Variants in PDE4D observed in about 807,000 individuals in gnomAD.
PDE4D encodes the protein phosphodiesterase 4D.
In PDE4D, 24 loss-of-function variants were observed where a neutral mutation model predicts 87.4. The ratio of observed to expected loss-of-function variants is 0.27; its 90% CI spans 0.20 to 0.39. The LOEUF is 0.39. Ranked by LOEUF, PDE4D falls within the 10% of genes least tolerant of loss-of-function variation. PDE4D has a pLI of 1.00. For missense variants in PDE4D, 714 were observed against 1,041.0 expected (o/e 0.69, Z 4.32); for synonymous variants, 384 against 383.2 (o/e 1.00, Z -0.02).
chr5:59,974,506 A>G (rs1761102865), intron 3 of PDE4D, among the ~76,000 whole-genome samples: 1 of 152,164 alleles, frequency 6.6e-6, no homozygotes. Flanking sequence ...GAAACACCAG[A>G]AGCTCCTATT....
chr5:59,929,395 C>T (rs1755642517), intron 3 of PDE4D, among the ~76,000 whole-genome samples: 1 of 152,076 alleles, frequency 6.6e-6, no homozygotes, highest in African/African-American at 2.4e-5. Flanking sequence ...AATTTCTCTG[C>T]CTCTCAAAAC....
chr5:59,144,455 G>A (rs1210897959), intron 5 of PDE4D, among the ~76,000 whole-genome samples: 1 of 152,126 alleles, frequency 6.6e-6, no homozygotes, highest in African/African-American at 2.4e-5. Flanking sequence ...AGTAAATAAA[G>A]GGTAAACGTA....
intron 1 of PDE4D, among the ~76,000 whole-genome samples, chr5:59,318,116 A>G (rs112971432): frequency 0.011 from 1,683 of 152,288 alleles, 16 homozygotes; most frequent in Non-Finnish European, 0.016. Flanking sequence ...AACTGTTGGC[A>G]TATACCTTGA....
chr5:60,043,679 A>G (rs1459702583), intron 2 of PDE4D, among the ~76,000 whole-genome samples: 1 of 151,916 alleles, frequency 6.6e-6, no homozygotes, highest in Non-Finnish European at 1.5e-5. Flanking sequence ...TTTAAGGTTA[A>G]GGAATATTAA....
chr5:59,597,263 T>C (rs16890013), intron 1 of PDE4D, among the ~76,000 whole-genome samples: 5,240 of 152,256 alleles, frequency 0.034, 260 homozygotes, highest in African/African-American at 0.11. Context: ...TATTGTAATA[T>C]TGAATAGCTA....
At chr5:60,147,145 C>T (rs1231532273) in intron 2 of PDE4D, among the ~76,000 whole-genome samples, 2 of 152,188 alleles carry the variant, frequency 1.3e-5, no homozygotes, top group Admixed American at 6.5e-5. Context: ...AAAAAGAAAG[C>T]TACACTGGTA....
chr5:59,629,258 G>A (rs1246354217), intron 1 of PDE4D, among the ~76,000 whole-genome samples: 1 of 152,108 alleles, frequency 6.6e-6, no homozygotes, highest in Non-Finnish European at 1.5e-5. Flanking sequence ...TAATGTTGAA[G>A]CCTAACCTCT....
chr5:59,569,922 T>C (rs1476981970), intron 1 of PDE4D, among the ~76,000 whole-genome samples: 1 of 152,238 alleles, frequency 6.6e-6, no homozygotes, highest in Non-Finnish European at 1.5e-5. Context: ...TGGGTTATTC[T>C]GGTTCTATTA....
chr5:59,174,381 A>T (rs1461536031), intron 5 of PDE4D: 1 of 152,628 alleles, frequency 6.6e-6, no homozygotes, highest in African/African-American at 2.4e-5. Context: ...TTTCTGGACT[A>T]AAACCACTTC....
rs377106034 is a variant in PDE4D, at chr5:60,193,545, C to T, written c.-89-7858G>A. Reference sequence around the variant, plus strand: ...ATTAGCCGGGCGAGGTGGCGGGCGCCTGTAGTCCCAGCTACTCGGGAGGCT... The same window carrying T: ...ATTAGCCGGGCGAGGTGGCGGGCGCTTGTAGTCCCAGCTACTCGGGAGGCT... On this transcript the variant is annotated intron_variant, in intron 1 of 16. Transcript: ENST00000502484. Among the ~76,000 whole-genome samples, 412 of 151,350 alleles carry T rather than the reference C, an allele frequency of 2.7e-3. 2 individuals are homozygous for T. Among genetic ancestry groups the T allele is most frequent in the African/African-American group, 9.6e-3 (397 of 41,330 alleles).
At chr5:59,391,780 G>A (rs901636994) in intron 1 of PDE4D, among the ~76,000 whole-genome samples, 1 of 151,702 alleles carries the variant, frequency 6.6e-6, no homozygotes, top group African/African-American at 2.4e-5. Context: ...CTTCATGTTT[G>A]CTCACATGCT....
At chr5:59,566,719 T>C (rs993635010) in intron 1 of PDE4D, among the ~76,000 whole-genome samples, 1 of 152,096 alleles carries the variant, frequency 6.6e-6, no homozygotes, top group African/African-American at 2.4e-5. Flanking sequence ...AATGTTTGGC[T>C]ATGGGGGGAT....
At chr5:59,976,361 T>C (rs1361279349) in intron 3 of PDE4D, among the ~76,000 whole-genome samples, 4 of 152,154 alleles carry the variant, frequency 2.6e-5, no homozygotes, top group Non-Finnish European at 5.9e-5. Flanking sequence ...TGGGAGATGC[T>C]TGGGTCATGG....
intron 5 of PDE4D, among the ~76,000 whole-genome samples, chr5:59,120,695 C>T (rs966601835): frequency 6.7e-6 from 1 of 149,380 alleles, no homozygotes; most frequent in East Asian, 2.0e-4. Flanking sequence ...TCTATGGAAC[C>T]AAAAAAAAAG....
chr5:59,163,173 T>G (rs1177088262), intron 5 of PDE4D, among the ~76,000 whole-genome samples: 1 of 150,738 alleles, frequency 6.6e-6, no homozygotes, highest in African/African-American at 2.4e-5. Context: ...CTTGAACTCC[T>G]GGCCTCAATC....
chr5:59,838,193 C>T (rs1024702048), intron 1 of PDE4D, among the ~76,000 whole-genome samples: 1 of 151,976 alleles, frequency 6.6e-6, no homozygotes, highest in African/African-American at 2.4e-5. Flanking sequence ...CAGAGCCCCA[C>T]CTGCTTACTA....
At chr5:60,329,727 C>T (rs1757149676) in intron 1 of PDE4D, among the ~76,000 whole-genome samples, 1 of 151,068 alleles carries the variant, frequency 6.6e-6, no homozygotes, top group Non-Finnish European at 1.5e-5. Context: ...ATCTAAAAGT[C>T]GGAGAGAAAG....
intron 1 of PDE4D, among the ~76,000 whole-genome samples, chr5:59,533,712 A>T (rs1215253876): frequency 6.6e-6 from 1 of 152,202 alleles, no homozygotes; most frequent in East Asian, 1.9e-4. Flanking sequence ...AGAAGCAAAA[A>T]ATTGGAGGCT....
chr5:59,243,148 A>G (rs1758023565), intron 1 of PDE4D, among the ~76,000 whole-genome samples: 1 of 152,186 alleles, frequency 6.6e-6, no homozygotes, highest in Admixed American at 6.5e-5. Context: ...CGTATAAGAG[A>G]GAAAATATAT....
Sources: gnomAD v4.1 joint callset for allele counts (sites outside exome capture counted in the v4.1 genomes callset) on GRCh38, gnomAD v4.1.1 for gene constraint, MANE v1.5 for transcripts, NCBI Gene and HGNC (gene_info 2026-07-23, HGNC 2026-07-21) for gene names.